KCTD8: variants seen among roughly 807,000 people sequenced by gnomAD.
KCTD8 encodes the protein BTB/POZ domain-containing protein KCTD8.
A neutral mutation model predicts 31.5 loss-of-function variants in KCTD8; 27 were observed. That is an observed-to-expected ratio of 0.86 (90% CI 0.63 to 1.18). The LOEUF is 1.18. Among genes scored for constraint, KCTD8 ranks in the 50% most tolerant of loss-of-function variants. KCTD8 has a pLI of 0.00. For synonymous variants in KCTD8, 290 were observed against 280.0 expected (o/e 1.04, Z -0.36); for missense variants, 658 against 647.7 (o/e 1.02, Z -0.17).
At chr4:44,416,005 T>C (rs1016213581) in intron 1 of KCTD8, among the ~76,000 whole-genome samples, 1 of 152,090 alleles carries the variant, frequency 6.6e-6, no homozygotes, top group South Asian at 2.1e-4. Context: ...CTCCAACCCA[T>C]GAGAGCAGCC....
At chr4:44,315,814 T>G (rs1718092444) in intron 1 of KCTD8, among the ~76,000 whole-genome samples, 1 of 152,184 alleles carries the variant, frequency 6.6e-6, no homozygotes, top group Admixed American at 6.5e-5. Context: ...ACGAGAAGTC[T>G]GATGTCTTTC....
intron 1 of KCTD8, among the ~76,000 whole-genome samples, chr4:44,420,666 A>T (rs1353304196): frequency 6.6e-6 from 1 of 152,152 alleles, no homozygotes; most frequent in Non-Finnish European, 1.5e-5. Flanking sequence ...ATACAGGGGA[A>T]TTTTACACCT....
intron 1 of KCTD8, among the ~76,000 whole-genome samples, chr4:44,255,778 T>A (rs549629311): frequency 4.6e-5 from 7 of 152,052 alleles, no homozygotes; most frequent in African/African-American, 1.7e-4. Context: ...AATAGAAGAA[T>A]AATGAATATT....
chr4:44,363,921 A>T (rs1017031859), intron 1 of KCTD8, among the ~76,000 whole-genome samples: 6 of 152,152 alleles, frequency 3.9e-5, no homozygotes, highest in Admixed American at 3.9e-4. Flanking sequence ...TAGATCTTAT[A>T]CCTTTAACCA....
chr4:44,178,955 G>A (rs1713296888), intron 1 of KCTD8, among the ~76,000 whole-genome samples: 1 of 152,156 alleles, frequency 6.6e-6, no homozygotes, highest in African/African-American at 2.4e-5. Context: ...AGGTTCTGGA[G>A]GAGACACAAC....
At chr4:44,266,502 C>T (rs1716371524) in intron 1 of KCTD8, among the ~76,000 whole-genome samples, 1 of 152,106 alleles carries the variant, frequency 6.6e-6, no homozygotes, top group African/African-American at 2.4e-5. Flanking sequence ...GCAAAATAAC[C>T]AGCTAACAAC....
At chr4:44,289,639 C>T (rs1717209964) in intron 1 of KCTD8, among the ~76,000 whole-genome samples, 1 of 152,100 alleles carries the variant, frequency 6.6e-6, no homozygotes, top group Non-Finnish European at 1.5e-5. Flanking sequence ...TGTTGGGATC[C>T]TAGCTACACG....
At chr4:44,286,802 T>C (rs1577594289) in intron 1 of KCTD8, among the ~76,000 whole-genome samples, 1 of 151,882 alleles carries the variant, frequency 6.6e-6, no homozygotes, top group East Asian at 1.9e-4. Flanking sequence ...GGTAAAAAAA[T>C]AGAGGGATTG....
chr4:44,248,910 C>G (rs1407556060), intron 1 of KCTD8, among the ~76,000 whole-genome samples: 1 of 151,834 alleles, frequency 6.6e-6, no homozygotes, highest in African/African-American at 2.4e-5. Flanking sequence ...AAAACAAAAA[C>G]TCTCTTGTGC....
Position 44,324,032 on chromosome 4 carries a change from T to C in KCTD8, c.961+123531A>G, listed in dbSNP as rs1362605982. On this transcript the variant is annotated intron_variant, in intron 1 of 1. Coordinates refer to ENST00000360029, the MANE Select transcript of KCTD8 (RefSeq NM_198353.3). ...ACAATGTGCATATGTACCCTAAAAC[T>C]TAAAGTATAATTAAAAAAAAAAAAA... Among the ~76,000 whole-genome samples the C allele has an allele frequency of 1.5e-5, 2 of 132,474 alleles. 1 individual carries two copies. The highest frequency in any genetic ancestry group is 6.0e-5 in the African/African-American group (2 of 33,486). The allele number at this position is 132,474 out of a possible 152,430, so 86.9% of individuals were successfully genotyped here.
In KCTD8 at chr4:44,174,908, C is replaced by T. The variant is rs747874065; in HGVS notation, c.1304G>A (p.Ser435Asn). Residue 435 changes from serine to asparagine, a missense_variant, in exon 2 of 2, where the codon AGT (serine) becomes AAT (asparagine). By Grantham distance (46) the Ser-to-Asn change is conservative (BLOSUM62 1). Transcript: ENST00000360029. ...LSKKKVCEKLSVEEEMKKCIQ... is the reference protein window; with the variant it reads ...LSKKKVCEKLNVEEEMKKCIQ... The stretch of plus-strand genomic sequence containing the variant: ...ACACTTTTTCATTTCTTCTTCCACA[C>T]TTAGCTTCTCACAGACTTTCTTTTT... The T allele has an allele frequency of 2.5e-6, 4 of 1,614,002 alleles. No homozygotes were observed. The African/African-American group carries it at 4.0e-5, about 16-fold the overall frequency.
chr4:44,382,968 C>T (rs1477144294), intron 1 of KCTD8, among the ~76,000 whole-genome samples: 1 of 151,264 alleles, frequency 6.6e-6, no homozygotes, highest in African/African-American at 2.4e-5. Flanking sequence ...TTCCAAAATA[C>T]AAAGTCAACA....
At position 44,221,315 on chromosome 4, in the gene KCTD8, C is replaced by T. The variant is rs373963333; in HGVS notation, c.962-46065G>A. On this transcript the variant is annotated intron_variant, in intron 1 of 1. Transcript: ENST00000360029. ...TGCATTTTGCTTCTCCTTGTTTCTG[C>T]TGCAGGGTCCATCAGGTGTGTGTGT... Among the ~76,000 whole-genome samples, 81 of 151,500 alleles carry T rather than the reference C, an allele frequency of 5.3e-4. 1 individual carries two copies. The South Asian group carries it at 0.016, about 30-fold the overall frequency.
intron 1 of KCTD8, among the ~76,000 whole-genome samples, chr4:44,315,920 T>A (rs531123767): frequency 6.6e-6 from 1 of 152,290 alleles, no homozygotes; most frequent in East Asian, 1.9e-4. Context: ...CTTGATATTA[T>A]GAAATTTTTA....
At chr4:44,360,147 T>C (rs1040484094) in intron 1 of KCTD8, among the ~76,000 whole-genome samples, 1 of 152,024 alleles carries the variant, frequency 6.6e-6, no homozygotes, top group Non-Finnish European at 1.5e-5. Context: ...TAAAATATTG[T>C]ATTCATAAAG....
At chr4:44,374,171 G>A (rs562709422) in intron 1 of KCTD8, among the ~76,000 whole-genome samples, 5 of 152,180 alleles carry the variant, frequency 3.3e-5, no homozygotes, top group African/African-American at 1.2e-4. Flanking sequence ...TACCCTAACA[G>A]GTAGACCCAA....
chr4:44,292,968 G>T (rs1184301235), intron 1 of KCTD8, among the ~76,000 whole-genome samples: 1 of 152,054 alleles, frequency 6.6e-6, no homozygotes, highest in African/African-American at 2.4e-5. Flanking sequence ...TTTGTTTGAA[G>T]TCCTTTTCAA....
At chr4:44,209,714 C>A (rs1288447222) in intron 1 of KCTD8, among the ~76,000 whole-genome samples, 1 of 152,094 alleles carries the variant, frequency 6.6e-6, no homozygotes, top group African/African-American at 2.4e-5. Context: ...TTACTCAGTT[C>A]ATTGTGTGTT....
intron 1 of KCTD8, among the ~76,000 whole-genome samples, chr4:44,217,846 C>T (rs930627375): frequency 2.0e-5 from 3 of 152,076 alleles, no homozygotes. Flanking sequence ...CCTTTGGCCA[C>T]AGACTGAAAT....
Sources: gnomAD v4.1 joint callset for allele counts (sites outside exome capture counted in the v4.1 genomes callset) on GRCh38, gnomAD v4.1.1 for gene constraint, MANE v1.5 for transcripts, NCBI Gene and HGNC (gene_info 2026-07-23, HGNC 2026-07-21) for gene names.